PIK3AP1: variants seen among roughly 807,000 people sequenced by gnomAD.
PIK3AP1 encodes the protein phosphoinositide 3-kinase adapter protein 1.
In PIK3AP1, 21 loss-of-function variants were observed where a neutral mutation model predicts 88.1. The observed-to-expected ratio is 0.24, with a 90% CI of 0.17 to 0.34. The LOEUF is 0.34. PIK3AP1 is among the 10% of genes least tolerant of loss of function. PIK3AP1 has a pLI of 1.00. For synonymous variants in PIK3AP1, 398 were observed against 400.0 expected (o/e 1.00, Z 0.06); for missense variants, 828 against 1,035.7 (o/e 0.80, Z 2.75).
At chr10:96,704,073 G>A (rs953143829) in intron 2 of PIK3AP1, among the ~76,000 whole-genome samples, 1 of 152,198 alleles carries the variant, frequency 6.6e-6, no homozygotes, top group Non-Finnish European at 1.5e-5. Context: ...TGTGATCTCA[G>A]TAGCACCCCA....
rs1462949784 is a variant in PIK3AP1, at chr10:96,602,323, G to A, written c.2317C>T (p.Leu773Phe). 6.2e-7 allele frequency: 1 copy of A among 1,609,716 alleles called. No homozygotes were observed. The highest frequency in any genetic ancestry group is 1.7e-5 in the Admixed American group (1 of 58,752). ...GGAGGCACCCTGGGGGGTCTCTCGA[G>A]GGACATGGTGGGTGTCCCATCCACT... Reference protein sequence around the residue: ...PQVDGTPTMSLERPPRVPPRA... With the variant: ...PQVDGTPTMSFERPPRVPPRA... The change falls in exon 16 of 17, where the codon CTC becomes TTC. Residue 773 changes from leucine (L) to phenylalanine (F), a missense_variant. Physicochemically the swap from Leu to Phe is conservative, Grantham distance 22. This residue lies in a region of PIK3AP1 where 191 missense variants were observed against 208.6 expected (regional missense o/e 0.92). Transcript: ENST00000339364.
chr10:96,696,074 G>A (rs1844215682), intron 2 of PIK3AP1, among the ~76,000 whole-genome samples: 1 of 152,170 alleles, frequency 6.6e-6, no homozygotes, highest in Non-Finnish European at 1.5e-5. Flanking sequence ...CATCTTTTCT[G>A]CAACTGGGAC....
intron 6 of PIK3AP1, among the ~76,000 whole-genome samples, chr10:96,649,770 C>T (rs1843511757): frequency 6.6e-6 from 1 of 152,162 alleles, no homozygotes. Context: ...TCTTAATGCA[C>T]ACAAGCCCCA....
chr10:96,634,346 C>A (rs1056675414), intron 8 of PIK3AP1, among the ~76,000 whole-genome samples: 3 of 152,170 alleles, frequency 2.0e-5, no homozygotes, highest in African/African-American at 7.2e-5. Context: ...GAACAGACTG[C>A]ATGCAGGGAA....
chr10:96,699,015 T>TA lies in PIK3AP1; in HGVS notation c.430+10551dup, dbSNP rs1267415423. 5.9e-3 allele frequency among the ~76,000 whole-genome samples: 892 copies of TA among 150,566 alleles called. 10 individuals carry two copies. The highest frequency in any genetic ancestry group is 0.02 in the African/African-American group (824 of 40,964). ...CAACATAGAGAAATCCCATCTCTACTAAAAAAAAACCCCACAAAATTAGCC... is the reference window on the plus strand; with the variant it reads ...CAACATAGAGAAATCCCATCTCTACTAAAAAAAAAACCCCACAAAATTAGCC... On this transcript the variant is annotated intron_variant, in intron 2 of 16. Coordinates refer to ENST00000339364, the MANE Select transcript of PIK3AP1 (RefSeq NM_152309.3).
chr10:96,647,494 C>T (rs1843475629), intron 7 of PIK3AP1, among the ~76,000 whole-genome samples: 1 of 152,052 alleles, frequency 6.6e-6, no homozygotes, highest in Admixed American at 6.5e-5. Context: ...TGAAATGCTA[C>T]ATTTGGTACA....
At chr10:96,646,681 G>A (rs905517187) in intron 7 of PIK3AP1, among the ~76,000 whole-genome samples, 3 of 152,094 alleles carry the variant, frequency 2.0e-5, no homozygotes, top group African/African-American at 4.8e-5. Context: ...AGTTTCCAGG[G>A]GTTCCAGCCT....
chr10:96,618,589 T>TAAAAAAAAAAAAAAAA, intron 12 of PIK3AP1: 1 of 143,436 alleles, frequency 7.0e-6, no homozygotes, highest in Non-Finnish European at 1.5e-5. Context: ...CAAGAAAATG[T>TAAAAAAAAAAAAAAAA]AAAAAAAAAA....
chr10:96,676,640 G>A (rs914244573), intron 2 of PIK3AP1, among the ~76,000 whole-genome samples: 6 of 141,304 alleles, frequency 4.2e-5, no homozygotes, highest in South Asian at 2.2e-4. Flanking sequence ...AAACACACAC[G>A]GGGATTTTCT....
At chr10:96,712,369 T>C (rs963780558) in intron 1 of PIK3AP1, among the ~76,000 whole-genome samples, 15 of 152,220 alleles carry the variant, frequency 9.9e-5, no homozygotes, top group African/African-American at 3.4e-4. Context: ...GTGAACATAA[T>C]GGTCCTTTTC....
chr10:96,652,890 T>C (rs1284035381), intron 3 of PIK3AP1, 48 bp from the exon 4 acceptor site: 1 of 1,594,956 alleles, frequency 6.3e-7, no homozygotes, highest in Admixed American at 1.7e-5. Context: ...CAGATCCCCG[T>C]AGGGTGTTGG....
chr10:96,661,186 T>TA (rs895771047), intron 2 of PIK3AP1, among the ~76,000 whole-genome samples: 71 of 138,158 alleles, frequency 5.1e-4, no homozygotes, highest in South Asian at 9.4e-4. Context: ...AAACTCCATC[T>TA]AAAAAAAAAA....
Position 96,595,382 on chromosome 10 carries a change from T to C in PIK3AP1, c.*195A>G. 1.7e-6 allele frequency: 1 copy of C among 603,072 alleles called. No homozygotes were observed. The highest frequency in any genetic ancestry group is 3.0e-6 in the Non-Finnish European group (1 of 337,706). 37.4% of individuals were successfully genotyped at this position (603,072 alleles called of 1,614,324 possible). Reference sequence around the variant, plus strand: ...TACTTGGTGATGGTGAATGAAGCCCTTAGTTTTTCACTTCTTCGTGCCTTA... The same window carrying C: ...TACTTGGTGATGGTGAATGAAGCCCCTAGTTTTTCACTTCTTCGTGCCTTA... On this transcript the variant is annotated 3_prime_UTR_variant, in exon 17 of 17. Transcript: ENST00000339364.
chr10:96,628,571 G>T, intron 8 of PIK3AP1, 78 bp from the exon 9 acceptor site: 1 of 1,193,672 alleles, frequency 8.4e-7, no homozygotes, highest in Non-Finnish European at 1.3e-6. Flanking sequence ...GGAACTATGA[G>T]GTTTGGCAAC....
At chr10:96,625,067 G>C (rs569315157) in intron 10 of PIK3AP1, among the ~76,000 whole-genome samples, 1 of 152,284 alleles carries the variant, frequency 6.6e-6, no homozygotes, top group South Asian at 2.1e-4. Flanking sequence ...TGCAATGAAT[G>C]GTGGGCTATC....
At chr10:96,640,562 G>C (rs796260853) in intron 8 of PIK3AP1, among the ~76,000 whole-genome samples, 4 of 152,314 alleles carry the variant, frequency 2.6e-5, no homozygotes, top group African/African-American at 9.6e-5. Flanking sequence ...CATTTGCCTT[G>C]AGTTTTATTT....
intron 3 of PIK3AP1, among the ~76,000 whole-genome samples, chr10:96,653,369 C>T (rs1843568507): frequency 7.0e-6 from 1 of 142,142 alleles, no homozygotes; most frequent in African/African-American, 2.6e-5. Context: ...CACACCACTG[C>T]ACTCCAGCCT....
At chr10:96,677,097 C>T (rs996247431) in intron 2 of PIK3AP1, among the ~76,000 whole-genome samples, 1 of 152,144 alleles carries the variant, frequency 6.6e-6, no homozygotes, top group Non-Finnish European at 1.5e-5. Context: ...TCCTCCAAGC[C>T]AGAGTGAGGA....
At chr10:96,719,254 C>G (rs1317125734) in intron 1 of PIK3AP1, among the ~76,000 whole-genome samples, 1 of 152,150 alleles carries the variant, frequency 6.6e-6, no homozygotes, top group Non-Finnish European at 1.5e-5. Context: ...CCTCTGCTTC[C>G]GAAGCACCCT....
Sources: allele counts gnomAD v4.1 joint callset (sites outside exome capture counted in the v4.1 genomes callset), GRCh38; gene constraint gnomAD v4.1.1; regional missense constraint gnomAD v4.1.1; transcripts MANE v1.5; gene names NCBI Gene and HGNC (gene_info 2026-07-23, HGNC 2026-07-21).